Variants in NRXN3 observed in about 807,000 individuals in gnomAD.
The protein encoded by NRXN3 is neurexin III.
A neutral mutation model predicts 137.6 loss-of-function variants in NRXN3; 32 were observed. That is an observed-to-expected ratio of 0.23 (90% CI 0.18 to 0.31). NRXN3 has a LOEUF of 0.31. Ranked by LOEUF, NRXN3 falls within the 10% of genes least tolerant of loss-of-function variation. The pLI is 1.00. For synonymous variants in NRXN3, 798 were observed against 784.5 expected (o/e 1.02, Z -0.29); for missense variants, 1,574 against 2,062.5 (o/e 0.76, Z 4.59).
intron 4 of NRXN3, among the ~76,000 whole-genome samples, chr14:78,581,008 T>A (rs1433265363): frequency 6.6e-6 from 1 of 152,220 alleles, no homozygotes; most frequent in Non-Finnish European, 1.5e-5. Flanking sequence ...TTGTAAACCA[T>A]CTACTATATG....
intron 15 of NRXN3, among the ~76,000 whole-genome samples, chr14:79,400,575 T>A (rs1239266421): frequency 6.6e-6 from 1 of 152,218 alleles, no homozygotes; most frequent in Non-Finnish European, 1.5e-5. Context: ...GCTGAACTTA[T>A]GCATTTCTGG....
chr14:78,609,773 AG>A (rs1222906375), intron 4 of NRXN3, among the ~76,000 whole-genome samples: 1 of 152,232 alleles, frequency 6.6e-6, no homozygotes, highest in East Asian at 1.9e-4. Context: ...ATTAAAAGCC[AG>A]CAAAAGTATG....
chr14:79,694,269 T>C (rs2098726783), intron 18 of NRXN3, among the ~76,000 whole-genome samples: 1 of 151,934 alleles, frequency 6.6e-6, no homozygotes, highest in Non-Finnish European at 1.5e-5. Context: ...TACTGCCTAT[T>C]CCCCAAGGGT....
chr14:79,075,482 G>A (rs557033849), intron 15 of NRXN3, among the ~76,000 whole-genome samples: 1 of 152,262 alleles, frequency 6.6e-6, no homozygotes, highest in Non-Finnish European at 1.5e-5. Context: ...TCAGAAGAAT[G>A]TGGATAGGAT....
rs139566156 is a variant in NRXN3 at position 78,334,813 on chromosome 14, T to G, written c.757+36953T>G. ...GTCCCTGTTGGAGTAAGAGGGACAC[T>G]GAGCTTACCTATTGTAGAAAAGCTG... On this transcript the variant is annotated intron_variant, in intron 4 of 20. Transcript: ENST00000335750. Among the ~76,000 whole-genome samples, 795 of 152,268 alleles carry G rather than the reference T, an allele frequency of 5.2e-3. 3 individuals are homozygous for G. The highest frequency in any genetic ancestry group is 0.01 in the Middle Eastern group (3 of 294).
At chr14:79,434,742 A>G (rs1243232079) in intron 15 of NRXN3, among the ~76,000 whole-genome samples, 1 of 152,184 alleles carries the variant, frequency 6.6e-6, no homozygotes, top group Middle Eastern at 3.2e-3. Flanking sequence ...AAGTGAGGGA[A>G]GCAGGCATGG....
intron 4 of NRXN3, among the ~76,000 whole-genome samples, chr14:78,337,035 C>A (rs760050848): frequency 6.6e-6 from 1 of 152,056 alleles, no homozygotes; most frequent in African/African-American, 2.4e-5. Flanking sequence ...AGTCTAAGCC[C>A]CTTTCTATTT....
chr14:78,900,930 T>A (rs2099193897), intron 10 of NRXN3, among the ~76,000 whole-genome samples: 1 of 151,932 alleles, frequency 6.6e-6, no homozygotes, highest in Non-Finnish European at 1.5e-5. Context: ...GATACACAAG[T>A]CCAAGGACAT....
intron 4 of NRXN3, among the ~76,000 whole-genome samples, chr14:78,319,598 T>G (rs1484492660): frequency 6.6e-6 from 1 of 152,218 alleles, no homozygotes; most frequent in East Asian, 1.9e-4. Flanking sequence ...TATCAGGGCT[T>G]GCCTTACACA....
chr14:79,779,940 C>T (rs936498364), intron 19 of NRXN3, among the ~76,000 whole-genome samples: 1 of 152,148 alleles, frequency 6.6e-6, no homozygotes, highest in African/African-American at 2.4e-5. Flanking sequence ...TCTCAGCTTA[C>T]AGCAACTTCC....
intron 15 of NRXN3, among the ~76,000 whole-genome samples, chr14:79,299,521 A>G (rs1012640311): frequency 2.0e-5 from 3 of 152,144 alleles, no homozygotes; most frequent in Non-Finnish European, 2.9e-5. Flanking sequence ...TTTATTTACA[A>G]AAACAAGACC....
chr14:78,743,255 G>GC lies in NRXN3; in HGVS notation c.2044+28117dup, dbSNP rs796330555. Among the ~76,000 whole-genome samples the GC allele has an allele frequency of 1.1e-4, 16 of 152,226 alleles. No individual in the cohort carries two copies. In the South Asian group the frequency reaches 3.3e-3, roughly 32 times the overall value. ...ATCTACTTTGTTCATAGTAGTTATTGCTGACATGGGACAAGATGATCTTTA... is the reference window on the plus strand; with the variant it reads ...ATCTACTTTGTTCATAGTAGTTATTGCCTGACATGGGACAAGATGATCTTTA... On this transcript the variant is annotated intron_variant, in intron 8 of 20. Transcript: ENST00000335750.
At chr14:78,395,038 A>C (rs183676388) in intron 4 of NRXN3, among the ~76,000 whole-genome samples, 1 of 151,492 alleles carries the variant, frequency 6.6e-6, no homozygotes, top group Admixed American at 6.6e-5. Context: ...AATTTTCTAT[A>C]CTTATTTCAT....
intron 4 of NRXN3, among the ~76,000 whole-genome samples, chr14:78,335,328 G>A (rs1157175882): frequency 1.3e-5 from 2 of 152,112 alleles, no homozygotes; most frequent in Non-Finnish European, 2.9e-5. Context: ...ATTGTCTGTG[G>A]CCCTCTGGCA....
At chr14:79,829,657 G>T (rs1189340172) in intron 20 of NRXN3, among the ~76,000 whole-genome samples, 2 of 152,170 alleles carry the variant, frequency 1.3e-5, no homozygotes, top group African/African-American at 4.8e-5. Context: ...GAATGTGTGT[G>T]TGTGCCTGTG....
At chr14:79,842,588 T>C (rs544229376) in intron 20 of NRXN3, among the ~76,000 whole-genome samples, 26 of 152,324 alleles carry the variant, frequency 1.7e-4, no homozygotes, top group African/African-American at 5.8e-4. Flanking sequence ...AGTGACTTGA[T>C]CTGATTTTTA....
chr14:78,946,131 T>C (rs1257556698), intron 10 of NRXN3, among the ~76,000 whole-genome samples: 1 of 152,186 alleles, frequency 6.6e-6, no homozygotes, highest in African/African-American at 2.4e-5. Flanking sequence ...TAAGTTAACA[T>C]AGGTAAAGCA....
At chr14:79,839,366 T>G (rs1295349388) in intron 20 of NRXN3, among the ~76,000 whole-genome samples, 1 of 152,080 alleles carries the variant, frequency 6.6e-6, no homozygotes, top group African/African-American at 2.4e-5. Flanking sequence ...TGTGATGCTC[T>G]TCAACAATTG....
At chr14:78,997,045 GC>G (rs1393470129) in intron 15 of NRXN3, among the ~76,000 whole-genome samples, 1 of 152,084 alleles carries the variant, frequency 6.6e-6, no homozygotes, top group Non-Finnish European at 1.5e-5. Flanking sequence ...GTATTCTCAA[GC>G]TTTATCAGGG....
Sources: allele counts gnomAD v4.1 joint callset (sites outside exome capture counted in the v4.1 genomes callset), GRCh38; gene constraint gnomAD v4.1.1; transcripts MANE v1.5; gene names NCBI Gene and HGNC (gene_info 2026-07-23, HGNC 2026-07-21).